Variants in TRIM33 observed in about 807,000 individuals in gnomAD.
The protein encoded by TRIM33 is E3 ubiquitin-protein ligase TRIM33.
TRIM33 carries 20 observed loss-of-function variants against 125.4 expected under a neutral mutation model. The ratio of observed to expected loss-of-function variants is 0.16; its 90% confidence interval spans 0.11 to 0.23. The LOEUF is 0.23. Among genes scored for constraint, TRIM33 ranks in the 10% least tolerant of loss-of-function variants. The pLI is 1.00. For synonymous variants in TRIM33, 564 were observed against 513.9 expected, an observed-to-expected ratio of 1.10 and a Z score of -1.32; for missense variants, 920 against 1,411.4, an observed-to-expected ratio of 0.65 and a Z score of 5.58.
intron 1 of TRIM33, 43 bp downstream of exon 1, chr1:114,510,508 A>C: frequency 1.4e-6 from 2 of 1,442,786 alleles, no homozygotes; most frequent in Non-Finnish European, 1.8e-6. Context: ...AGGGTTGCGC[A>C]AATCCCTTGC....
At chr1:114,416,443 T>C (rs1310280512) in intron 11 of TRIM33, among the ~76,000 whole-genome samples, 1 of 152,192 alleles carries the variant, frequency 6.6e-6, no homozygotes, top group East Asian at 1.9e-4. Flanking sequence ...TACCTAACTA[T>C]ATCACCATTA....
intron 15 of TRIM33, 86 bp downstream of exon 15, chr1:114,405,324 A>T: frequency 6.0e-6 from 6 of 1,005,620 alleles, no homozygotes; most frequent in Non-Finnish European, 8.9e-6. Flanking sequence ...TGCACTGGTT[A>T]GAAGGCCATC....
At chr1:114,420,699 A>C (rs1160987290) in intron 11 of TRIM33, among the ~76,000 whole-genome samples, 1 of 152,230 alleles carries the variant, frequency 6.6e-6, no homozygotes, top group Non-Finnish European at 1.5e-5. Context: ...ATACAATGTA[A>C]TGCTCTGATC....
At chr1:114,448,586 T>A (rs1649132237) in intron 4 of TRIM33, among the ~76,000 whole-genome samples, 1 of 152,168 alleles carries the variant, frequency 6.6e-6, no homozygotes, top group Non-Finnish European at 1.5e-5. Flanking sequence ...AGGACTGTAG[T>A]TATGCCAAGT....
rs557997458 is a variant in TRIM33, at chr1:114,419,154, T to C, written c.2061+2282A>G. Among the ~76,000 whole-genome samples, 55 of 143,894 alleles carry C rather than the reference T, an allele frequency of 3.8e-4. No homozygotes were observed. In the South Asian group the frequency reaches 0.01, roughly 27 times the overall value. The allele number at this position is 143,894 out of a possible 152,430, so 94.4% of individuals were successfully genotyped here. A position where few individuals can be genotyped will look rare whatever the true frequency, so the allele number is the denominator to read the frequency against. ...AGGCAGAGGCTGCAGTGAGTCGAGATTGCGCCACTGTACTCCAGCCTGGGC... is the reference window on the plus strand; with the variant it reads ...AGGCAGAGGCTGCAGTGAGTCGAGACTGCGCCACTGTACTCCAGCCTGGGC... On this transcript the variant is annotated intron_variant, in intron 11 of 19. Coordinates refer to ENST00000358465, the MANE Select transcript of TRIM33 (RefSeq NM_015906.4).
chr1:114,468,070 A>G (rs1650414202), intron 1 of TRIM33, among the ~76,000 whole-genome samples: 1 of 152,214 alleles, frequency 6.6e-6, no homozygotes, highest in Admixed American at 6.5e-5. Flanking sequence ...AGCTGGATGG[A>G]AAAAGATTGT....
intron 4 of TRIM33, among the ~76,000 whole-genome samples, chr1:114,461,564 T>G (rs893337382): frequency 6.6e-6 from 1 of 151,948 alleles, no homozygotes. Flanking sequence ...AAAAAACATT[T>G]TTTTTAAATT....
chr1:114,425,350 T>C, intron 9 of TRIM33, 99 bp downstream of exon 9: 2 of 1,462,464 alleles, frequency 1.4e-6, no homozygotes, highest in Non-Finnish European at 1.9e-6. Flanking sequence ...TGCTCAGTCT[T>C]GCTAGTAACT....
At chr1:114,484,804 G>A (rs1460924762) in intron 1 of TRIM33, among the ~76,000 whole-genome samples, 1 of 152,306 alleles carries the variant, frequency 6.6e-6, no homozygotes, top group East Asian at 1.9e-4. Flanking sequence ...GGTGGAGGTT[G>A]CAGTGAGCCC....
At chr1:114,439,057 CT>C (rs1168834071) in intron 4 of TRIM33, among the ~76,000 whole-genome samples, 3 of 152,140 alleles carry the variant, frequency 2.0e-5, no homozygotes, top group South Asian at 2.1e-4. Flanking sequence ...CAAAAGCTAA[CT>C]CTAATTAAAT....
rs779249294 is a variant in TRIM33, at chr1:114,463,239, G to A, written c.791-3C>T. The A allele has an allele frequency of 1.1e-5, 17 of 1,583,940 alleles. No individual in the cohort carries two copies. The highest frequency in any genetic ancestry group is 1.5e-5 in the Non-Finnish European group (17 of 1,171,246). On this transcript the variant is annotated splice_region_variant and splice_polypyrimidine_tract_variant and intron_variant, in intron 3 of 19. Transcript: ENST00000358465. ...TTGACCAGATGCTCCAACAGACTCT[G>A]TAGCAAAATAAAACAAATATTTTTT...
intron 4 of TRIM33, among the ~76,000 whole-genome samples, chr1:114,460,933 G>C (rs1291575664): frequency 2.6e-5 from 4 of 152,040 alleles, no homozygotes; most frequent in Non-Finnish European, 4.4e-5. Context: ...TAAATTGGCA[G>C]TAGTAAGTTA....
At chr1:114,482,031 G>A (rs879707423) in intron 1 of TRIM33, among the ~76,000 whole-genome samples, 8 of 152,120 alleles carry the variant, frequency 5.3e-5, no homozygotes, top group Non-Finnish European at 1.0e-4. Flanking sequence ...AAAGAGCTGG[G>A]ATTACAGGCC....
intron 1 of TRIM33, among the ~76,000 whole-genome samples, chr1:114,486,252 G>A (rs1651678119): frequency 6.6e-6 from 1 of 151,996 alleles, no homozygotes; most frequent in Non-Finnish European, 1.5e-5. Flanking sequence ...CCCCAGCCTG[G>A]GCGACAGAGT....
intron 1 of TRIM33, among the ~76,000 whole-genome samples, chr1:114,505,350 T>C (rs1652933361): frequency 1.3e-5 from 2 of 152,010 alleles, no homozygotes; most frequent in Non-Finnish European, 2.9e-5. Flanking sequence ...ACCAGTTAAG[T>C]CACACTGAGG....
chr1:114,398,927 AAAAC>A (rs1329514939), intron 18 of TRIM33, among the ~76,000 whole-genome samples: 38 of 140,784 alleles, frequency 2.7e-4, no homozygotes, highest in Admixed American at 1.2e-3. Context: ...AAAACAAAAC[AAAAC>A]AAAAAACAAA....
chr1:114,498,182 T>A (rs1388242436), intron 1 of TRIM33, among the ~76,000 whole-genome samples: 1 of 147,518 alleles, frequency 6.8e-6, no homozygotes, highest in Non-Finnish European at 1.5e-5. Flanking sequence ...AAATAAGGAA[T>A]CAGTATACCT....
intron 1 of TRIM33, among the ~76,000 whole-genome samples, chr1:114,484,241 T>G (rs1459402482): frequency 6.6e-6 from 1 of 152,236 alleles, no homozygotes; most frequent in African/African-American, 2.4e-5. Context: ...ACTTACAGAC[T>G]TAAATGAGTT....
chr1:114,477,342 T>TA (rs1415240049), intron 1 of TRIM33, among the ~76,000 whole-genome samples: 1 of 147,422 alleles, frequency 6.8e-6, no homozygotes, highest in Admixed American at 6.7e-5. Flanking sequence ...AGCAAAACCT[T>TA]AAAGGAAAAA....
Sources: allele counts gnomAD v4.1 joint callset (sites outside exome capture counted in the v4.1 genomes callset), GRCh38; gene constraint gnomAD v4.1.1; transcripts MANE v1.5; gene names NCBI Gene and HGNC (gene_info 2026-07-23, HGNC 2026-07-21).